FRMPD1: variants seen among roughly 807,000 people sequenced by gnomAD.
FRMPD1 encodes FERM and PDZ domain containing 1.
Under a neutral mutation model 117.8 loss-of-function variants are expected in FRMPD1, and 76 were observed. That is an observed-to-expected ratio of 0.65 (90% CI 0.54 to 0.78). The LOEUF (loss-of-function observed/expected upper bound fraction) is 0.78, where lower values mean the gene tolerates loss of function less well. Ranked by LOEUF, FRMPD1 falls within the 30% of genes least tolerant of loss-of-function variation. FRMPD1 has a pLI of 0.00. For missense variants in FRMPD1, 1,786 were observed against 1,964.5 expected (o/e 0.91, Z 1.72); for synonymous variants, 783 against 770.4 (o/e 1.02, Z -0.27).
At chr9:37,634,256 A>G in the FRMPD1 span, among the ~76,000 whole-genome samples, 3 of 152,178 alleles carry the variant, frequency 2.0e-5, no homozygotes, top group African/African-American at 7.2e-5. Context: ...GTTGATAGCC[A>G]GTGTTTACTT....
the FRMPD1 span, among the ~76,000 whole-genome samples, chr9:37,622,974 G>A: frequency 6.6e-6 from 1 of 151,772 alleles, no homozygotes; most frequent in Non-Finnish European, 1.5e-5. Flanking sequence ...TCCAAAGAGG[G>A]ATCTTTTTAA....
intron 1 of FRMPD1, among the ~76,000 whole-genome samples, chr9:37,659,637 T>G (rs1318236327): frequency 1.3e-5 from 2 of 152,114 alleles, no homozygotes; most frequent in African/African-American, 2.4e-5. Context: ...CCCACTAATT[T>G]AGACTGAGAT....
At chr9:37,649,994 C>T (rs1820616409), upstream of FRMPD1, among the ~76,000 whole-genome samples, 1 of 152,170 alleles carries the variant, frequency 6.6e-6, no homozygotes, top group Non-Finnish European at 1.5e-5. Context: ...CTCCAGGAGG[C>T]CTTCACTCAG....
In FRMPD1 at chr9:37,740,229, G is replaced by C; in HGVS notation, c.1701G>C (p.Glu567Asp). ...CTCCTGGGAACAGCCCCACACCTGAGGTGGCTAGGAGGGGCCCCAGCACCT... is the reference window on the plus strand; with the variant it reads ...CTCCTGGGAACAGCCCCACACCTGACGTGGCTAGGAGGGGCCCCAGCACCT... ...EQPPGNSPTP[E>D]VARRGPSTCG... The change falls in exon 15 of 16, where the codon GAG becomes GAC. Residue 567 changes from glutamate to aspartate, a missense_variant. Glu to Asp is a conservative substitution (Grantham distance 45). Coordinates refer to ENST00000377765, the MANE Select transcript of FRMPD1 (RefSeq NM_014907.3). This position sits in a 1 kb window ranked among gnomAD's most constrained non-coding sequence, Gnocchi z 4.2. 1 of 1,614,026 alleles carries C rather than the reference G, an allele frequency of 6.2e-7. No individual in the cohort carries two copies. Among genetic ancestry groups the C allele is most frequent in the African/African-American group, 1.3e-5 (1 of 75,048 alleles).
chr9:37,652,079 G>C (rs1820691635), intron 1 of FRMPD1, among the ~76,000 whole-genome samples: 1 of 152,192 alleles, frequency 6.6e-6, no homozygotes, highest in Non-Finnish European at 1.5e-5. Context: ...ATAATGATTT[G>C]TTTTCAAAGT....
intron 1 of FRMPD1, among the ~76,000 whole-genome samples, chr9:37,652,530 A>G (rs1226556639): frequency 6.6e-6 from 1 of 152,184 alleles, no homozygotes; most frequent in Non-Finnish European, 1.5e-5. Context: ...TCCTTCCTCG[A>G]CATCCTGGTT....
chr9:37,712,217 A>C (rs1822932575), intron 5 of FRMPD1, among the ~76,000 whole-genome samples: 1 of 152,216 alleles, frequency 6.6e-6, no homozygotes, highest in Admixed American at 6.5e-5. Flanking sequence ...GAAGCTAATA[A>C]CTATTAAAAA....
At chr9:37,657,424 A>G (rs571431993) in intron 1 of FRMPD1, among the ~76,000 whole-genome samples, 103 of 152,344 alleles carry the variant, frequency 6.8e-4, no homozygotes, top group African/African-American at 2.3e-3. Flanking sequence ...TTATAAAAAT[A>G]ATTTATTTAG....
chr9:37,719,325 A>G (rs989046541), intron 6 of FRMPD1, 149 bp downstream of exon 6: 25 of 627,266 alleles, frequency 4.0e-5, no homozygotes, highest in Non-Finnish European at 6.7e-5. Context: ...TCCCAGTCAG[A>G]TGCCTGCAGA....
At chr9:37,610,594 TC>T in the FRMPD1 span, among the ~76,000 whole-genome samples, 2 of 114,360 alleles carry the variant, frequency 1.7e-5, no homozygotes, top group East Asian at 1.2e-3. Context: ...ACTATCACAT[TC>T]TTTTTTTTTT....
the FRMPD1 span, among the ~76,000 whole-genome samples, chr9:37,603,718 G>A: frequency 1.3e-5 from 2 of 151,890 alleles, no homozygotes; most frequent in African/African-American, 2.4e-5. Flanking sequence ...TGCTCTTGTC[G>A]TCCAGGCTGG....
chr9:37,626,128 A>T, the FRMPD1 span, among the ~76,000 whole-genome samples: 1 of 152,164 alleles, frequency 6.6e-6, no homozygotes, highest in East Asian at 1.9e-4. Flanking sequence ...GGAGTTCAAG[A>T]TCAGCCTGGC....
chr9:37,686,078 T>C (rs1821931054), intron 1 of FRMPD1, among the ~76,000 whole-genome samples: 1 of 152,224 alleles, frequency 6.6e-6, no homozygotes. Flanking sequence ...ACCAGAATTG[T>C]GTTCAATTTG....
the FRMPD1 span, among the ~76,000 whole-genome samples, chr9:37,622,832 G>A: frequency 6.6e-6 from 1 of 151,952 alleles, no homozygotes; most frequent in African/African-American, 2.4e-5. Context: ...AAAAAAGTAG[G>A]ATATTTCAAA....
intron 5 of FRMPD1, among the ~76,000 whole-genome samples, chr9:37,716,578 G>A (rs746937225): frequency 1.1e-4 from 17 of 152,278 alleles, no homozygotes; most frequent in East Asian, 3.9e-4. Context: ...TTTATCTCCC[G>A]AAGGTGAGAG....
At chr9:37,723,914 G>A (rs1403720410) in intron 6 of FRMPD1, among the ~76,000 whole-genome samples, 1 of 152,040 alleles carries the variant, frequency 6.6e-6, no homozygotes, top group Non-Finnish European at 1.5e-5. Context: ...AGGAGAATTT[G>A]CTTGAACCCA....
the FRMPD1 span, among the ~76,000 whole-genome samples, chr9:37,644,764 G>A: frequency 6.9e-3 from 1,051 of 152,182 alleles, 17 homozygotes; most frequent in African/African-American, 0.024. Context: ...TGTGAAGTGG[G>A]GATTGTCATG....
intron 5 of FRMPD1, among the ~76,000 whole-genome samples, chr9:37,717,369 G>GTA (rs1554666735): frequency 2.5e-4 from 24 of 94,126 alleles, no homozygotes; most frequent in East Asian, 1.0e-3. Flanking sequence ...GTGTGTGTGT[G>GTA]TATATATATA....
chr9:37,690,770 T>C (rs1588930782), intron 1 of FRMPD1, among the ~76,000 whole-genome samples: 1 of 152,270 alleles, frequency 6.6e-6, no homozygotes, highest in East Asian at 1.9e-4. Context: ...GAAAAGAAAT[T>C]TATTTCTCAC....
Sources: allele counts gnomAD v4.1 joint callset (sites outside exome capture counted in the v4.1 genomes callset), GRCh38; gene constraint gnomAD v4.1.1; non-coding constraint Gnocchi (gnomAD v3.1); transcripts MANE v1.5; gene names NCBI Gene and HGNC (gene_info 2026-07-23, HGNC 2026-07-21).